The following CNTN4 variants were observed in gnomAD, a reference collection of about 807,000 sequenced individuals.
CNTN4 encodes the protein contactin 4, also known as contactin-4.
In CNTN4, 77 loss-of-function variants were observed where a neutral mutation model predicts 122.5. The observed-to-expected ratio is 0.63, with a 90% CI of 0.52 to 0.76. The LOEUF is 0.76. Among genes scored for constraint, CNTN4 ranks in the 30% least tolerant of loss-of-function variants. The pLI, the probability that CNTN4 is intolerant of heterozygous loss-of-function variation, is 0.00. For synonymous variants in CNTN4, 512 were observed against 447.0 expected (o/e 1.15, Z -1.83); for missense variants, 1,256 against 1,259.1 (o/e 1.00, Z 0.04).
At chr3:2,220,676 A>G (rs1464784739) in intron 2 of CNTN4, among the ~76,000 whole-genome samples, 1 of 152,146 alleles carries the variant, frequency 6.6e-6, no homozygotes, top group African/African-American at 2.4e-5. Flanking sequence ...AAATAATGAT[A>G]TCTCCTCATT....
intron 6 of CNTN4, among the ~76,000 whole-genome samples, chr3:2,792,836 A>G (rs1020571868): frequency 6.6e-6 from 1 of 152,240 alleles, no homozygotes; most frequent in Non-Finnish European, 1.5e-5. Context: ...CAAATTTTAT[A>G]TAAGATGTAT....
intron 2 of CNTN4, among the ~76,000 whole-genome samples, chr3:2,332,041 C>A (rs2043748638): frequency 6.6e-6 from 1 of 152,146 alleles, no homozygotes; most frequent in Admixed American, 6.5e-5. Flanking sequence ...GTCTCTTTTT[C>A]AGTCTCTTGA....
At chr3:3,034,560 T>C in intron 16 of CNTN4, 72 bp from the exon 17 acceptor site, 1 of 1,471,596 alleles carries the variant, frequency 6.8e-7, no homozygotes, top group Non-Finnish European at 9.5e-7. Context: ...AATGCCCCAT[T>C]CAAGTATGTG....
chr3:2,460,052 T>C (rs1303327274), intron 3 of CNTN4, among the ~76,000 whole-genome samples: 2 of 152,042 alleles, frequency 1.3e-5, no homozygotes, highest in Non-Finnish European at 2.9e-5. Context: ...TGGCCATCTA[T>C]CTCTGGGCTG....
At chr3:2,664,549 C>T (rs7618043) in intron 4 of CNTN4, among the ~76,000 whole-genome samples, 19,360 of 152,082 alleles carry the variant, frequency 0.13, 1,381 homozygotes, top group South Asian at 0.19. Flanking sequence ...TAGCTATAAA[C>T]ATGTAACCTC....
chr3:2,807,200 A>T (rs535864227), intron 6 of CNTN4, among the ~76,000 whole-genome samples: 1 of 152,332 alleles, frequency 6.6e-6, no homozygotes, highest in South Asian at 2.1e-4. Flanking sequence ...AGCAAGGGGC[A>T]TGAGCAATGG....
At chr3:2,862,549 A>T (rs1327896036) in intron 7 of CNTN4, among the ~76,000 whole-genome samples, 1 of 152,224 alleles carries the variant, frequency 6.6e-6, no homozygotes, top group East Asian at 1.9e-4. Flanking sequence ...AATCCATTTA[A>T]TATGTTGCAT....
intron 2 of CNTN4, among the ~76,000 whole-genome samples, chr3:2,125,862 G>A (rs1399278512): frequency 6.6e-6 from 1 of 150,572 alleles, no homozygotes; most frequent in African/African-American, 2.4e-5. Context: ...GGCCTTCTAT[G>A]AAGATTTATA....
chr3:2,238,837 C>G (rs569325593), intron 2 of CNTN4: 2 of 103,624 alleles, frequency 1.9e-5, no homozygotes, highest in East Asian at 6.5e-4. Flanking sequence ...CCGCCATTCT[C>G]CCGCCTCAGC....
At chr3:2,214,393 TCAGA>T (rs1434032785) in intron 2 of CNTN4, among the ~76,000 whole-genome samples, 2 of 152,300 alleles carry the variant, frequency 1.3e-5, no homozygotes, top group African/African-American at 4.8e-5. Context: ...TCATCCATGA[TCAGA>T]CAAATGATCA....
chr3:2,528,055 C>T (rs938725152), intron 3 of CNTN4, among the ~76,000 whole-genome samples: 2 of 152,082 alleles, frequency 1.3e-5, no homozygotes, highest in Admixed American at 1.3e-4. Flanking sequence ...CAAGTTGTCA[C>T]TTTTCATTCT....
At chr3:2,581,245 G>A (rs1303274390) in intron 4 of CNTN4, among the ~76,000 whole-genome samples, 1 of 152,014 alleles carries the variant, frequency 6.6e-6, no homozygotes, top group Non-Finnish European at 1.5e-5. Flanking sequence ...GGAGAGAGGG[G>A]AATTATTTCT....
intron 3 of CNTN4, among the ~76,000 whole-genome samples, chr3:2,463,469 G>C (rs376472473): frequency 6.6e-6 from 1 of 152,140 alleles, no homozygotes; most frequent in East Asian, 1.9e-4. Flanking sequence ...TCATGTGAAA[G>C]ATATTATTGG....
chr3:3,039,407 C>G (rs1373720447), intron 19 of CNTN4: 1 of 182,748 alleles, frequency 5.5e-6, no homozygotes, highest in African/African-American at 2.4e-5. Context: ...AGAAGGGGCC[C>G]TCTTTTAGGA....
rs188063091 is a variant in CNTN4 at position 2,515,118 on chromosome 3, T to C, written c.-88-56298T>C. Among the ~76,000 whole-genome samples the C allele has an allele frequency of 3.3e-5, 5 of 152,306 alleles. No homozygotes were observed. In the East Asian group the frequency reaches 7.7e-4, roughly 23 times the overall value. ...ATAACCTGTTTGCGGCTTTCTCTTA[T>C]GATAGTTCATTGAAGTATCAATGAC... is the stretch of plus-strand genomic sequence containing the variant. On this transcript the variant is annotated intron_variant, in intron 3 of 24. Coordinates refer to ENST00000418658, the MANE Select transcript of CNTN4 (RefSeq NM_175607.3).
intron 3 of CNTN4, among the ~76,000 whole-genome samples, chr3:2,420,477 C>T (rs988834559): frequency 2.6e-5 from 4 of 151,984 alleles, no homozygotes; most frequent in African/African-American, 4.8e-5. Flanking sequence ...ACTCTGTCCC[C>T]CAGGCTGGAG....
chr3:2,981,347 G>A (rs928583100), intron 13 of CNTN4, among the ~76,000 whole-genome samples: 8 of 151,884 alleles, frequency 5.3e-5, no homozygotes, highest in African/African-American at 1.9e-4. Context: ...GGGAGGCTGA[G>A]GCGGGAGAAT....
At chr3:3,035,942 CATT>C (rs1699564813) in intron 17 of CNTN4, among the ~76,000 whole-genome samples, 1 of 148,292 alleles carries the variant, frequency 6.7e-6, no homozygotes, top group Non-Finnish European at 1.5e-5. Flanking sequence ...AAAAAAAAAA[CATT>C]GTTAGCAGCA....
rs991114699 is a variant in CNTN4 at position 3,057,946 on chromosome 3, C to G, written c.*1726C>G. 2.6e-5 allele frequency: 4 copies of G among 152,310 alleles called. No individual in the cohort carries two copies. Among genetic ancestry groups the G allele is most frequent in the Non-Finnish European group, 5.9e-5 (4 of 68,014 alleles). The allele number at this position is 152,310 out of a possible 1,614,324, so 9.4% of individuals were successfully genotyped here. On this transcript the variant is annotated 3_prime_UTR_variant, in exon 25 of 25. Transcript: ENST00000418658. Reference sequence around the variant, plus strand: ...TTTAAAGGTATTGTTAATAAATATTCTGTCATTTGTAAAGATACTTGTCTT... The same window carrying G: ...TTTAAAGGTATTGTTAATAAATATTGTGTCATTTGTAAAGATACTTGTCTT...
Sources: allele counts gnomAD v4.1 joint callset (sites outside exome capture counted in the v4.1 genomes callset), GRCh38; gene constraint gnomAD v4.1.1; transcripts MANE v1.5; gene names NCBI Gene and HGNC (gene_info 2026-07-23, HGNC 2026-07-21).